The following LGALS3BP variants were observed in gnomAD, a reference collection of about 807,000 sequenced individuals.
LGALS3BP encodes the protein galectin-3-binding protein.
A neutral mutation model predicts 22.9 loss-of-function variants in LGALS3BP; 25 were observed. The observed-to-expected ratio is 1.09, with a 90% confidence interval of 0.80 to 1.53. The LOEUF (loss-of-function observed/expected upper bound fraction) is 1.53. Among genes scored for constraint, LGALS3BP ranks in the 40% most tolerant of loss-of-function variants. The pLI, the probability that LGALS3BP is intolerant of heterozygous loss-of-function variation, is 0.00. For missense variants in LGALS3BP, 718 were observed against 752.0 expected (o/e 0.95, Z 0.53); for synonymous variants, 335 against 331.1 (o/e 1.01, Z -0.13).
chr17:78,973,370 CG>C lies in LGALS3BP; in HGVS notation c.377-149del. ...TGGGAAGACGAGGGACAAGAGAGACCGGAAGTGTCGGATTCCTGGACCCTGA... is the reference window on the plus strand; with the variant it reads ...TGGGAAGACGAGGGACAAGAGAGACCGAAGTGTCGGATTCCTGGACCCTGA... On this transcript the variant is annotated intron_variant, in intron 4 of 5. Transcript: ENST00000262776. This position sits in a 1 kb window ranked among gnomAD's most constrained non-coding sequence, Gnocchi z 5.8. The C allele has an allele frequency of 3.2e-6, 3 of 946,018 alleles. No individual in the cohort carries two copies. In the South Asian group the frequency reaches 5.6e-5, roughly 18 times the overall value. 58.6% of individuals were successfully genotyped at this position (946,018 alleles called of 1,614,324 possible).
chr17:78,974,749 G>A lies in LGALS3BP; in HGVS notation c.315C>T (p.Ser105=), dbSNP rs778209936. 20 of 1,613,888 alleles carry A rather than the reference G, an allele frequency of 1.2e-5. No homozygotes were observed. The highest frequency in any genetic ancestry group is 3.3e-4 in the Middle Eastern group (2 of 6,062). The change falls in exon 4 of 6, where the codon TCC becomes TCT. Residue 105 remains serine (S), a synonymous_variant. Transcript: ENST00000262776. The part of the protein sequence containing the change: ...GTEASLADCK[S]LGWLKSNCRH... Reference sequence around the variant, plus strand: ...TGCAGTTGCTCTTCAGCCAGCCCAGGGACTTGCAGTCGGCCAGTGAGGCCT... The same window carrying A: ...TGCAGTTGCTCTTCAGCCAGCCCAGAGACTTGCAGTCGGCCAGTGAGGCCT...
rs750532951 is a variant in LGALS3BP at position 78,973,163 on chromosome 17, T to A, written c.436A>T (p.Ile146Phe). ...TCGCAGCCCCGCTGGCTGTCAAAGA[T>A]CTGGCCAAGGGCCTCCGAGAGCTCC... ...SRELSEALGQ[I>F]FDSQRGCDLS... The change falls in exon 5 of 6, where the codon ATC becomes TTC. Residue 146 changes from isoleucine (I) to phenylalanine (F), a missense_variant. Coordinates refer to ENST00000262776, the MANE Select transcript of LGALS3BP (RefSeq NM_005567.4). This position sits in a 1 kb window ranked among gnomAD's most constrained non-coding sequence, Gnocchi z 5.8. 2 of 1,608,652 alleles carry A rather than the reference T, an allele frequency of 1.2e-6. No individual in the cohort carries two copies. Among genetic ancestry groups the A allele is most frequent in the South Asian group, 2.2e-5 (2 of 90,376 alleles).
chr17:78,972,705 C>A lies in LGALS3BP; in HGVS notation c.630-1G>T. ...GTCAATCCTTCGGGAGTAGAAGTAC[C>A]TGGGGAGAAAGAAGGAGAGCAGATG... On this transcript the variant is annotated splice_acceptor_variant, in intron 5 of 5. Transcript: ENST00000262776. LOFTEE classifies it high-confidence loss of function. This position sits in a 1 kb window ranked among gnomAD's most constrained non-coding sequence, Gnocchi z 5.1. 1 of 1,515,134 alleles carries A rather than the reference C, an allele frequency of 6.6e-7. No individual in the cohort carries two copies. Among genetic ancestry groups the A allele is most frequent in the Non-Finnish European group, 8.8e-7 (1 of 1,131,986 alleles). The allele number at this position is 1,515,134 out of a possible 1,614,324, so 93.9% of individuals were successfully genotyped here.
chr17:78,979,077 G>T (rs962852262), intron 1 of LGALS3BP, among the ~76,000 whole-genome samples: 29 of 151,852 alleles, frequency 1.9e-4, no homozygotes, highest in African/African-American at 4.4e-4. Context: ...AAAAAAAGGG[G>T]GGGGGGCAAC....
In LGALS3BP at chr17:78,976,925, C is replaced by T. The variant is rs1030184045; in HGVS notation, c.52+215G>A. On this transcript the variant is annotated intron_variant, in intron 2 of 5. Coordinates refer to ENST00000262776, the MANE Select transcript of LGALS3BP (RefSeq NM_005567.4). This position sits in a 1 kb window ranked among gnomAD's most constrained non-coding sequence, Gnocchi z 4.6. ...AATGGAGGATTCCCTAGTGTCCTCT[C>T]TATAACCTGCATCTCACCTGAACCC... 1 of 604,524 alleles carries T rather than the reference C, an allele frequency of 1.7e-6. No homozygotes were observed. Among genetic ancestry groups the T allele is most frequent in the African/African-American group, 1.9e-5 (1 of 53,924 alleles). 37.4% of individuals were successfully genotyped at this position (604,524 alleles called of 1,614,324 possible).
chr17:78,972,837 T>C lies in LGALS3BP; in HGVS notation c.629+133A>G. On this transcript the variant is annotated intron_variant, in intron 5 of 5. Transcript: ENST00000262776. This position sits in a 1 kb window ranked among gnomAD's most constrained non-coding sequence, Gnocchi z 5.1. ...ATGCGTGTGTGTGCAACTGCGTGAG[T>C]GCATGTGTGACTGCGTGTGTACATG... The C allele has an allele frequency of 2.1e-6, 3 of 1,427,928 alleles. No individual in the cohort carries two copies. Among genetic ancestry groups the C allele is most frequent in the Non-Finnish European group, 9.4e-7 (1 of 1,059,926 alleles). The allele number at this position is 1,427,928 out of a possible 1,614,324, so 88.5% of individuals were successfully genotyped here. A position where few individuals can be genotyped will look rare whatever the true frequency, so the allele number is the denominator to read the frequency against.
chr17:78,977,305 C>G, intron 1 of LGALS3BP, 91 bp from the exon 2 acceptor site: 12 of 1,040,734 alleles, frequency 1.2e-5, no homozygotes, highest in Non-Finnish European at 1.7e-5. Context: ...TTCAGCCCAA[C>G]CTGGGCTGTG....
intron 1 of LGALS3BP, among the ~76,000 whole-genome samples, chr17:78,977,833 A>AAAAG (rs1322594943): frequency 1.3e-5 from 2 of 152,092 alleles, no homozygotes; most frequent in Admixed American, 1.3e-4. Flanking sequence ...AAGATAGATG[A>AAAAG]AAAGGGTCAG....
In LGALS3BP at chr17:78,972,694, A is replaced by G. The variant is rs201601313; in HGVS notation, c.640T>C (p.Ser214Pro). Residue 214 changes from serine (S) to proline (P), a missense_variant, in exon 6 of 6, where the codon TCC becomes CCC. Ser to Pro is a moderately conservative substitution (Grantham distance 74, BLOSUM62 -1). Coordinates refer to ENST00000262776, the MANE Select transcript of LGALS3BP (RefSeq NM_005567.4). The surrounding 1 kb of genome is among the most constrained non-coding windows in gnomAD (Gnocchi z 5.1). ...GACAGGGTGATGTCAATCCTTCGGG[A>G]GTAGAAGTACCTGGGGAGAAAGAAG... ...MVRDLLRYFY[S>P]RRIDITLSSV... The G allele has an allele frequency of 5.9e-5, 90 of 1,516,628 alleles. No individual in the cohort carries two copies. The highest frequency in any genetic ancestry group is 3.7e-4 in the South Asian group (28 of 75,532). 93.9% of individuals were successfully genotyped at this position (1,516,628 alleles called of 1,614,324 possible).
At position 78,974,918 on chromosome 17, in the gene LGALS3BP, G is replaced by T. The variant is rs561970392; in HGVS notation, c.245-99C>A. On this transcript the variant is annotated intron_variant, in intron 3 of 5. Transcript: ENST00000262776. Reference sequence around the variant, plus strand: ...TTTGTTCTCCGCCCCGGCCGTGTGGGTCCATCTGCTTACAGGTCCTTCACC... The same window carrying T: ...TTTGTTCTCCGCCCCGGCCGTGTGGTTCCATCTGCTTACAGGTCCTTCACC... 8 of 1,475,922 alleles carry T rather than the reference G, an allele frequency of 5.4e-6. No individual in the cohort carries two copies. In the Admixed American group the frequency reaches 7.9e-5, roughly 15 times the overall value. The allele number at this position is 1,475,922 out of a possible 1,614,324, so 91.4% of individuals were successfully genotyped here.
chr17:78,975,524 C>G (rs1050754532), intron 3 of LGALS3BP, among the ~76,000 whole-genome samples: 3 of 151,960 alleles, frequency 2.0e-5, no homozygotes, highest in Non-Finnish European at 4.4e-5. Context: ...GCTCATAGGC[C>G]GGGTGTGGTA....
In LGALS3BP at chr17:78,972,422, G is replaced by C; in HGVS notation, c.912C>G (p.Leu304=). ...EAWPSVPTDL[L]QLLLPRSDLA... is the part of the protein sequence containing the mutation. The stretch of plus-strand genomic sequence containing the variant: ...GGTCGCTCCTGGGCAGCAGCAGTTG[G>C]AGCAGGTCTGTGGGGACACTGGGCC... The change falls in exon 6 of 6, where the codon CTC becomes CTG. Residue 304 remains leucine, a synonymous_variant. Transcript: ENST00000262776. The surrounding 1 kb of genome is among the most constrained non-coding windows in gnomAD (Gnocchi z 5.1). 4 of 1,613,456 alleles carry C rather than the reference G, an allele frequency of 2.5e-6. No homozygotes were observed. Among genetic ancestry groups the C allele is most frequent in the Non-Finnish European group, 3.4e-6 (4 of 1,180,002 alleles).
At chr17:78,978,152 G>T (rs376411393) in intron 1 of LGALS3BP, among the ~76,000 whole-genome samples, 46 of 152,354 alleles carry the variant, frequency 3.0e-4, no homozygotes, top group African/African-American at 9.4e-4. Flanking sequence ...CCGGCTGGGA[G>T]TCTGGGCCTG....
At position 78,971,875 on chromosome 17, in the gene LGALS3BP, G is replaced by A. The variant is rs2070674338; in HGVS notation, c.1459C>T (p.Gln487Ter). The change falls in exon 6 of 6, where the codon CAG (glutamine) becomes TAG (stop). Residue 487 changes from glutamine (Q) to a stop codon, truncating the protein, a stop_gained. Coordinates refer to ENST00000262776, the MANE Select transcript of LGALS3BP (RefSeq NM_005567.4). LOFTEE classifies it low-confidence loss of function (END_TRUNC). The surrounding 1 kb of genome is among the most constrained non-coding windows in gnomAD (Gnocchi z 5.6). ...GAGAAGCCGTAGTTCCAGCAGCTCT[G>A]GATGGTGGGGAGGTAGACCAGGGAC... ...SWSLVYLPTIQSCWNYGFSCS... is the reference protein window; with the variant it reads ...SWSLVYLPTI 1 of 1,614,048 alleles carries A rather than the reference G, an allele frequency of 6.2e-7. No individual in the cohort carries two copies. The highest frequency in any genetic ancestry group is 1.7e-5 in the Admixed American group (1 of 59,998).
rs2070695901 is a variant in LGALS3BP at position 78,973,787 on chromosome 17, A to G, written c.377-565T>C. On this transcript the variant is annotated intron_variant, in intron 4 of 5. Coordinates refer to ENST00000262776, the MANE Select transcript of LGALS3BP (RefSeq NM_005567.4). The surrounding 1 kb of genome is among the most constrained non-coding windows in gnomAD (Gnocchi z 5.8). ...AAAGCCTAACTCAAAATGAAATCCC[A>G]TAGGTTTTTCTTCGCCACAAATATA... 6.6e-6 allele frequency among the ~76,000 whole-genome samples: 1 copy of G among 152,148 alleles called. No individual in the cohort carries two copies. The highest frequency in any genetic ancestry group is 1.5e-5 in the Non-Finnish European group (1 of 68,028).
At chr17:78,975,520 A>T (rs2070711796) in intron 3 of LGALS3BP, among the ~76,000 whole-genome samples, 1 of 152,110 alleles carries the variant, frequency 6.6e-6, no homozygotes, top group South Asian at 2.1e-4. Flanking sequence ...GTTTGCTCAT[A>T]GGCCGGGTGT....
At chr17:78,974,163 CA>C (rs962343387) in intron 4 of LGALS3BP, among the ~76,000 whole-genome samples, 4 of 152,238 alleles carry the variant, frequency 2.6e-5, no homozygotes, top group African/African-American at 9.6e-5. Context: ...CCCAGGTTGT[CA>C]CGTGCAAGCC....
rs187889599 is a variant in LGALS3BP, at chr17:78,976,965, G to A, written c.52+175C>T. 4,570 of 661,330 alleles carry A rather than the reference G, an allele frequency of 6.9e-3. 31 individuals carry two copies. Among genetic ancestry groups the A allele is most frequent in the Non-Finnish European group, 8.6e-3 (3,206 of 372,036 alleles). 41.0% of individuals were successfully genotyped at this position (661,330 alleles called of 1,614,324 possible). ...CACCTGAACCCAGGTGAGCCCCCGG[G>A]AACCTCCAAGTCATCATCACTGGGG... On this transcript the variant is annotated intron_variant, in intron 2 of 5. Coordinates refer to ENST00000262776, the MANE Select transcript of LGALS3BP (RefSeq NM_005567.4). This position sits in a 1 kb window ranked among gnomAD's most constrained non-coding sequence, Gnocchi z 4.6.
intron 1 of LGALS3BP, 52 bp downstream of exon 1, chr17:78,979,768 AAAAG>A (rs1476874994): frequency 1.3e-5 from 2 of 151,808 alleles, no homozygotes; most frequent in African/African-American, 2.4e-5. Context: ...ATAAAAATAA[AAAAG>A]AGAGAGAGAC....
Sources: allele counts gnomAD v4.1 joint callset (sites outside exome capture counted in the v4.1 genomes callset), GRCh38; gene constraint gnomAD v4.1.1; non-coding constraint Gnocchi (gnomAD v3.1); transcripts MANE v1.5; gene names NCBI Gene and HGNC (gene_info 2026-07-23, HGNC 2026-07-21).